The following SAMD12 variants were observed in gnomAD, a reference collection of about 807,000 sequenced individuals.
The protein encoded by SAMD12 is sterile alpha motif domain containing 12.
Under a neutral mutation model 15.0 loss-of-function variants are expected in SAMD12, and 9 were observed. The observed-to-expected ratio is 0.60, with a 90% CI of 0.36 to 1.05. The LOEUF is 1.05. SAMD12 is among the 50% of genes least tolerant of loss of function. The pLI is 0.01. For missense variants in SAMD12, 230 were observed against 234.2 expected (o/e 0.98, Z 0.12); for synonymous variants, 86 against 90.1 (o/e 0.96, Z 0.25).
the SAMD12 span, among the ~76,000 whole-genome samples, chr8:118,161,523 C>T: frequency 9.7e-5 from 14 of 143,610 alleles, no homozygotes; most frequent in East Asian, 2.5e-3. Flanking sequence ...TGTGATCATG[C>T]GACTGCAGTT....
chr8:118,466,491 C>T (rs1432052936), intron 2 of SAMD12, among the ~76,000 whole-genome samples: 1 of 152,138 alleles, frequency 6.6e-6, no homozygotes, highest in African/African-American at 2.4e-5. Flanking sequence ...TTTATTCACC[C>T]TTATTCACTT....
intron 2 of SAMD12, among the ~76,000 whole-genome samples, chr8:118,568,088 G>T (rs773971806): frequency 2.6e-5 from 4 of 152,186 alleles, no homozygotes; most frequent in Admixed American, 2.6e-4. Flanking sequence ...AAAGTGGTGA[G>T]TGTGTTAGTG....
At chr8:118,600,164 T>C (rs1563605663) in intron 1 of SAMD12, among the ~76,000 whole-genome samples, 1 of 152,176 alleles carries the variant, frequency 6.6e-6, no homozygotes, top group East Asian at 1.9e-4. Context: ...AAACTTAGAC[T>C]TTATCCTGAG....
chr8:118,404,677 CTAAG>C (rs2130796234), intron 3 of SAMD12, among the ~76,000 whole-genome samples: 1 of 152,254 alleles, frequency 6.6e-6, no homozygotes, highest in African/African-American at 2.4e-5. Flanking sequence ...AGAATTCTGA[CTAAG>C]TGACTCTAGT....
At chr8:118,503,425 G>T (rs1413390282) in intron 2 of SAMD12, among the ~76,000 whole-genome samples, 1 of 152,132 alleles carries the variant, frequency 6.6e-6, no homozygotes, top group Non-Finnish European at 1.5e-5. Context: ...AAACATTCAC[G>T]AAGAGTTGAA....
At chr8:118,368,108 G>A (rs978057801) in intron 4 of SAMD12, among the ~76,000 whole-genome samples, 1 of 152,120 alleles carries the variant, frequency 6.6e-6, no homozygotes, top group African/African-American at 2.4e-5. Flanking sequence ...GAATTTCTCT[G>A]ATGGCTTAAA....
chr8:118,205,258 C>T (rs1027771943), intron 4 of SAMD12, among the ~76,000 whole-genome samples: 4 of 152,188 alleles, frequency 2.6e-5, no homozygotes, highest in Admixed American at 2.0e-4. Flanking sequence ...TAAGCCAATT[C>T]CTTATAATAC....
chr8:118,183,739 T>C, the SAMD12 span, among the ~76,000 whole-genome samples: 72 of 152,266 alleles, frequency 4.7e-4, 1 homozygote, highest in Middle Eastern at 6.8e-3. Flanking sequence ...ATAAATTGTA[T>C]TGTGGGGAAG....
In SAMD12 at chr8:118,396,120, C is replaced by T. The variant is rs749483137; in HGVS notation, c.323-16420G>A. Among the ~76,000 whole-genome samples, 233 of 152,146 alleles carry T rather than the reference C, an allele frequency of 1.5e-3. 1 individual carries two copies. Among genetic ancestry groups the T allele is most frequent in the Admixed American group, 2.6e-3 (39 of 15,266 alleles). On this transcript the variant is annotated intron_variant, in intron 3 of 3. Transcript: ENST00000314727. ...CTTATATTTTAATTATGTATTGTTT[C>T]GTGTGAGTAAAGAGACCTGAACTTG...
At chr8:118,158,060 C>A in the SAMD12 span, among the ~76,000 whole-genome samples, 5 of 152,232 alleles carry the variant, frequency 3.3e-5, no homozygotes, top group South Asian at 6.2e-4. Flanking sequence ...GGAGGCCAAG[C>A]TTTCAAGCAG....
At chr8:118,547,769 T>C (rs150807106) in intron 2 of SAMD12, among the ~76,000 whole-genome samples, 5 of 152,364 alleles carry the variant, frequency 3.3e-5, no homozygotes, top group African/African-American at 1.2e-4. Context: ...AGTATTTTTC[T>C]TTAAAGTAAT....
At chr8:118,545,388 G>T (rs973145882) in intron 2 of SAMD12, among the ~76,000 whole-genome samples, 15 of 152,092 alleles carry the variant, frequency 9.9e-5, no homozygotes, top group Admixed American at 8.5e-4. Flanking sequence ...AATCGCTTGA[G>T]CCTGGGAGGC....
chr8:118,551,176 C>A (rs938834618), intron 2 of SAMD12, among the ~76,000 whole-genome samples: 2 of 152,168 alleles, frequency 1.3e-5, no homozygotes, highest in African/African-American at 4.8e-5. Flanking sequence ...CCAAGCAGAC[C>A]TAATAGACAT....
chr8:118,483,242 AAC>A (rs1344984795), intron 2 of SAMD12, among the ~76,000 whole-genome samples: 1 of 152,240 alleles, frequency 6.6e-6, no homozygotes, highest in Non-Finnish European at 1.5e-5. Context: ...TCGAGGTTAA[AAC>A]ACAAACCATC....
chr8:118,484,712 CCT>C (rs1050390825), intron 2 of SAMD12, among the ~76,000 whole-genome samples: 2 of 152,024 alleles, frequency 1.3e-5, no homozygotes, highest in African/African-American at 4.8e-5. Context: ...AGGAGCCTTA[CCT>C]CTCTCTCTGT....
rs144142920 is a variant in SAMD12 at position 118,539,436 on chromosome 8, C to T, written c.192+41279G>A. On this transcript the variant is annotated intron_variant, in intron 2 of 3. Transcript: ENST00000314727. ...GAACTATTTTGACTCCAGCTTCAAC[C>T]ACCAATCCCCAGAAAATCCTGTCTT... 1.7e-3 allele frequency among the ~76,000 whole-genome samples: 258 copies of T among 152,310 alleles called. 1 individual carries two copies. The highest frequency in any genetic ancestry group is 4.9e-3 in the African/African-American group (203 of 41,568).
chr8:118,466,567 C>T (rs772807724), intron 2 of SAMD12, among the ~76,000 whole-genome samples: 66 of 151,976 alleles, frequency 4.3e-4, no homozygotes, highest in Non-Finnish European at 8.1e-4. Context: ...CAAAAAACAC[C>T]CAAGTGGGGT....
chr8:118,470,419 T>TCC (rs1489395338), intron 2 of SAMD12, among the ~76,000 whole-genome samples: 1 of 152,206 alleles, frequency 6.6e-6, no homozygotes, highest in African/African-American at 2.4e-5. Flanking sequence ...ACTTGTACTT[T>TCC]CCTCTGTTTT....
At chr8:118,478,483 G>C (rs367685128) in intron 2 of SAMD12, among the ~76,000 whole-genome samples, 1 of 152,234 alleles carries the variant, frequency 6.6e-6, no homozygotes, top group Admixed American at 6.5e-5. Flanking sequence ...AGGAAAGGGA[G>C]GGAGTGTATG....
Sources: gnomAD v4.1 joint callset for allele counts (sites outside exome capture counted in the v4.1 genomes callset) on GRCh38, gnomAD v4.1.1 for gene constraint, MANE v1.5 for transcripts, NCBI Gene and HGNC (gene_info 2026-07-23, HGNC 2026-07-21) for gene names.